The following ILRUN variants were observed in gnomAD, a reference collection of about 807,000 sequenced individuals.
ILRUN encodes the protein protein ILRUN.
A neutral mutation model predicts 33.8 loss-of-function variants in ILRUN; 3 were observed. The ratio of observed to expected loss-of-function variants is 0.09; its 90% CI spans 0.04 to 0.23. The LOEUF (loss-of-function observed/expected upper bound fraction) is 0.23, where lower values mean the gene tolerates loss of function less well. Ranked by LOEUF, ILRUN falls within the 10% of genes least tolerant of loss-of-function variation. The pLI is 1.00. For missense variants in ILRUN, 210 were observed against 375.1 expected, an observed-to-expected ratio of 0.56 and a Z score of 3.64; for synonymous variants, 124 against 138.9, an observed-to-expected ratio of 0.89 and a Z score of 0.75.
At chr6:34,625,142 G>A (rs1215342444) in intron 3 of ILRUN, among the ~76,000 whole-genome samples, 2 of 152,128 alleles carry the variant, frequency 1.3e-5, no homozygotes, top group African/African-American at 2.4e-5. Flanking sequence ...TAGCAACAAA[G>A]CAGAACTTCC....
chr6:34,669,799 C>A (rs561130695), intron 1 of ILRUN, among the ~76,000 whole-genome samples: 1 of 152,150 alleles, frequency 6.6e-6, no homozygotes, highest in South Asian at 2.1e-4. Flanking sequence ...GAATGATATA[C>A]TGATATATGC....
intron 4 of ILRUN, among the ~76,000 whole-genome samples, chr6:34,591,340 A>T (rs1164448253): frequency 1.3e-5 from 2 of 152,122 alleles, no homozygotes; most frequent in African/African-American, 2.4e-5. Context: ...AAATTTTTTT[A>T]AAAAATTAGC....
rs750138820 is a variant in ILRUN at position 34,654,595 on chromosome 6, G to A, written c.313+30C>T. ...TAACTATTAAGAAAATGAAAACTAG[G>A]CAAGGGAGGATTGCCCATTATGTAC... is the stretch of plus-strand genomic sequence containing the variant. On this transcript the variant is annotated intron_variant, in intron 2 of 4. Transcript: ENST00000374023. 6 of 1,575,962 alleles carry A rather than the reference G, an allele frequency of 3.8e-6. No homozygotes were observed. The Admixed American group carries it at 9.7e-5, about 25-fold the overall frequency.
chr6:34,693,672 ATTTT>A (rs71538256), intron 1 of ILRUN, among the ~76,000 whole-genome samples: 1 of 145,052 alleles, frequency 6.9e-6, no homozygotes, highest in African/African-American at 2.7e-5. Flanking sequence ...ATTTTATTTT[ATTTT>A]TTTTTTTTGA....
chr6:34,675,963 T>TAGC lies in ILRUN; in HGVS notation c.158+20480_158+20482dup, dbSNP rs1763219886. The stretch of plus-strand genomic sequence containing the variant: ...ATAACTCTTCAGTTGGTTAAGAGTG[T>TAGC]AGCAAAACTCTTGTCCATCAACAAA... On this transcript the variant is annotated intron_variant, in intron 1 of 4. Coordinates refer to ENST00000374023, the MANE Select transcript of ILRUN (RefSeq NM_024294.4). 5.3e-5 allele frequency among the ~76,000 whole-genome samples: 8 copies of TAGC among 152,280 alleles called. No homozygotes were observed. The South Asian group carries it at 1.7e-3, about 32-fold the overall frequency.
At chr6:34,659,803 T>C (rs1762850888) in intron 1 of ILRUN, among the ~76,000 whole-genome samples, 1 of 151,820 alleles carries the variant, frequency 6.6e-6, no homozygotes, top group South Asian at 2.1e-4. Context: ...GTATTTTTAG[T>C]AGAGACGGGG....
chr6:34,681,373 A>G (rs1258124365), intron 1 of ILRUN, among the ~76,000 whole-genome samples: 1 of 152,212 alleles, frequency 6.6e-6, no homozygotes, highest in Non-Finnish European at 1.5e-5. Flanking sequence ...GACAAACATT[A>G]ACTTTGGCAA....
intron 3 of ILRUN, among the ~76,000 whole-genome samples, chr6:34,641,091 A>AC (rs1762466672): frequency 1.3e-5 from 2 of 151,702 alleles, no homozygotes; most frequent in African/African-American, 2.4e-5. Flanking sequence ...AAAAAAAAAA[A>AC]AAAAAACAAA....
chr6:34,599,741 A>G (rs1262867360), intron 4 of ILRUN, among the ~76,000 whole-genome samples: 1 of 152,160 alleles, frequency 6.6e-6, no homozygotes, highest in East Asian at 1.9e-4. Context: ...TCCAACTTGG[A>G]TATGCAACAG....
intron 3 of ILRUN, among the ~76,000 whole-genome samples, chr6:34,618,024 T>C (rs931214258): frequency 1.3e-5 from 2 of 152,116 alleles, no homozygotes; most frequent in African/African-American, 4.8e-5. Context: ...CCCTTAAACA[T>C]GGGGAGGGAG....
rs561761051 is a variant in ILRUN, at chr6:34,591,601, G to A, written c.862-1001C>T. On this transcript the variant is annotated intron_variant, in intron 4 of 4. Coordinates refer to ENST00000374023, the MANE Select transcript of ILRUN (RefSeq NM_024294.4). ...TGCGAGCTCCGCCTACCAGGTTCAC[G>A]CCATTCTCCTGCCTCAGCCTCCCAA... Among the ~76,000 whole-genome samples, 9 of 151,150 alleles carry A rather than the reference G, an allele frequency of 6.0e-5. No individual in the cohort carries two copies. In the East Asian group the frequency reaches 1.6e-3, roughly 26 times the overall value.
At chr6:34,638,048 G>A (rs539645170) in intron 3 of ILRUN, among the ~76,000 whole-genome samples, 5 of 152,048 alleles carry the variant, frequency 3.3e-5, no homozygotes, top group Non-Finnish European at 4.4e-5. Context: ...CACCATGCCC[G>A]GCTAATTTTT....
intron 1 of ILRUN, among the ~76,000 whole-genome samples, chr6:34,661,509 G>C (rs947916315): frequency 6.6e-6 from 1 of 152,216 alleles, no homozygotes; most frequent in Non-Finnish European, 1.5e-5. Context: ...ATAGTATCTG[G>C]TCTATAAACT....
chr6:34,665,293 A>T (rs1762970637), intron 1 of ILRUN, among the ~76,000 whole-genome samples: 1 of 59,580 alleles, frequency 1.7e-5, no homozygotes, highest in African/African-American at 1.1e-4. Flanking sequence ...CCTTTTCTAC[A>T]AAAAAAAAAA....
At chr6:34,654,560 CCTT>C in intron 2 of ILRUN, 62 bp downstream of exon 2, 1 of 1,478,884 alleles carries the variant, frequency 6.8e-7, no homozygotes, top group Non-Finnish European at 9.1e-7. Context: ...TAAAACATTT[CCTT>C]CTTATTTAAC....
At chr6:34,680,485 G>A (rs1190257045) in intron 1 of ILRUN, among the ~76,000 whole-genome samples, 2 of 151,406 alleles carry the variant, frequency 1.3e-5, no homozygotes, top group Non-Finnish European at 2.9e-5. Flanking sequence ...TTTTTTTGGA[G>A]ACAGAGTCTC....
intron 3 of ILRUN, among the ~76,000 whole-genome samples, chr6:34,633,098 C>A (rs1211392739): frequency 6.6e-6 from 1 of 152,038 alleles, no homozygotes; most frequent in Non-Finnish European, 1.5e-5. Context: ...AAGATAAAGA[C>A]CTTGTAAACA....
rs539735279 is a variant in ILRUN, at chr6:34,674,919, T to A, written c.159-20140A>T. Among the ~76,000 whole-genome samples the A allele has an allele frequency of 2.2e-3, 332 of 152,026 alleles. 1 individual carries two copies. The highest frequency in any genetic ancestry group is 0.014 in the Middle Eastern group (4 of 294). On this transcript the variant is annotated intron_variant, in intron 1 of 4. Coordinates refer to ENST00000374023, the MANE Select transcript of ILRUN (RefSeq NM_024294.4). ...CTCCACACACATACACACAAAAAAA[T>A]TTTTTTAATTAAATTCTGACTGAGG...
chr6:34,625,844 G>A (rs938302833), intron 3 of ILRUN, among the ~76,000 whole-genome samples: 1 of 141,514 alleles, frequency 7.1e-6, no homozygotes, highest in Non-Finnish European at 1.5e-5. Flanking sequence ...CTTATTGAAA[G>A]GCTTTTTTTT....
Sources: allele counts gnomAD v4.1 joint callset (sites outside exome capture counted in the v4.1 genomes callset), GRCh38; gene constraint gnomAD v4.1.1; transcripts MANE v1.5; gene names NCBI Gene and HGNC (gene_info 2026-07-23, HGNC 2026-07-21).